The following MIPEP variants were observed in gnomAD, a reference collection of about 807,000 sequenced individuals.
MIPEP encodes mitochondrial intermediate peptidase.
Under a neutral mutation model 90.3 loss-of-function variants are expected in MIPEP, and 79 were observed. The ratio of observed to expected loss-of-function variants is 0.87; its 90% CI spans 0.73 to 1.05. The LOEUF is 1.05. MIPEP is among the 50% of genes least tolerant of loss of function. The probability of loss-of-function intolerance (pLI) is 0.00; values close to 1 mark genes in which losing one functional copy is unlikely to be tolerated. For missense variants in MIPEP, 940 were observed against 905.6 expected (o/e 1.04, Z -0.49); for synonymous variants, 334 against 315.8 (o/e 1.06, Z -0.61).
chr13:23,773,498 G>C (rs950314653), intron 16 of MIPEP, among the ~76,000 whole-genome samples: 2 of 152,096 alleles, frequency 1.3e-5, no homozygotes, highest in Non-Finnish European at 2.9e-5. Context: ...GGAACTGCTG[G>C]GCCATCTGGT....
rs1871697512 is a variant in MIPEP at position 23,889,307 on chromosome 13, C to T, written c.14G>A (p.Gly5Glu). Residue 5 changes from glycine (G) to glutamate (E), a missense_variant, in exon 1 of 19, where the codon GGA becomes GAA. Coordinates refer to ENST00000382172, the MANE Select transcript of MIPEP (RefSeq NM_005932.4). MLCV[G>E]RLGGLGARAA... ...TCTGGCTCCCAAGCCGCCCAGCCTT[C>T]CGACGCACAGCATTCTAGCACCAGA... is the stretch of plus-strand genomic sequence containing the variant. The T allele has an allele frequency of 1.5e-6, 2 of 1,349,640 alleles. No homozygotes were observed. Among genetic ancestry groups the T allele is most frequent in the Non-Finnish European group, 1.9e-6 (2 of 1,048,748 alleles). 83.6% of individuals were successfully genotyped at this position (1,349,640 alleles called of 1,614,324 possible). A position where few individuals can be genotyped will look rare whatever the true frequency, so the allele number is the denominator to read the frequency against.
intron 16 of MIPEP, among the ~76,000 whole-genome samples, chr13:23,803,200 TA>T (rs1337138790): frequency 2.0e-5 from 3 of 151,874 alleles, no homozygotes; most frequent in Non-Finnish European, 4.4e-5. Context: ...CCGTCTCTAC[TA>T]AAAAAACAAA....
intron 15 of MIPEP, among the ~76,000 whole-genome samples, chr13:23,808,146 T>C (rs916395786): frequency 6.6e-6 from 1 of 151,866 alleles, no homozygotes; most frequent in Admixed American, 6.6e-5. Context: ...TCGCCCAGGC[T>C]GGAGTGCAGT....
At chr13:23,783,944 A>G (rs1247527259) in intron 16 of MIPEP, among the ~76,000 whole-genome samples, 1 of 152,196 alleles carries the variant, frequency 6.6e-6, no homozygotes, top group Admixed American at 6.5e-5. Flanking sequence ...GCTCGAGGAA[A>G]TAAAAGAGGA....
chr13:23,804,013 TC>T (rs780582818), intron 16 of MIPEP, among the ~76,000 whole-genome samples: 9 of 152,330 alleles, frequency 5.9e-5, no homozygotes, highest in Non-Finnish European at 1.2e-4. Flanking sequence ...GATACATCTT[TC>T]TATTTTCTCA....
At chr13:23,831,528 C>A (rs190838369) in intron 14 of MIPEP, among the ~76,000 whole-genome samples, 1 of 152,098 alleles carries the variant, frequency 6.6e-6, no homozygotes, top group African/African-American at 2.4e-5. Context: ...GCAACACATC[C>A]GGCAGCTCCT....
chr13:23,843,804 C>T (rs1042610138), intron 10 of MIPEP, among the ~76,000 whole-genome samples: 6 of 152,152 alleles, frequency 3.9e-5, no homozygotes, highest in African/African-American at 7.2e-5. Context: ...GAGATGCAAA[C>T]GTCTCAGGAC....
chr13:23,768,795 A>C (rs7327620), intron 16 of MIPEP, among the ~76,000 whole-genome samples: 130,513 of 152,134 alleles, frequency 0.86, 59,562 homozygotes, highest in Non-Finnish European at 1. Flanking sequence ...GTTAAGGACA[A>C]ACAAAATATT....
rs554136039 is a variant in MIPEP, at chr13:23,775,036, T to C, written c.1849-14819A>G. 5.9e-5 allele frequency among the ~76,000 whole-genome samples: 9 copies of C among 152,060 alleles called. No individual in the cohort carries two copies. The East Asian group carries it at 1.5e-3, about 26-fold the overall frequency. ...CTGGTCTTGAACTCCTGGCCTCAAA[T>C]GATCCACCTGCCTTGGTCTCCCAAA... On this transcript the variant is annotated intron_variant, in intron 16 of 18. Transcript: ENST00000382172.
chr13:23,868,052 C>G (rs1486652346), intron 7 of MIPEP, among the ~76,000 whole-genome samples: 1 of 151,910 alleles, frequency 6.6e-6, no homozygotes, highest in East Asian at 1.9e-4. Flanking sequence ...AAAACATACA[C>G]TAAAAACACA....
chr13:23,847,463 C>CAAAAAAA (rs1566015969), intron 10 of MIPEP, among the ~76,000 whole-genome samples: 2 of 13,280 alleles, frequency 1.5e-4, no homozygotes, highest in African/African-American at 2.5e-4. Flanking sequence ...CAAATCCAAG[C>CAAAAAAA]TAAAAAAAAA....
chr13:23,851,139 T>C (rs117404288), intron 10 of MIPEP, among the ~76,000 whole-genome samples: 2,293 of 152,320 alleles, frequency 0.015, 30 homozygotes, highest in Non-Finnish European at 0.024. Context: ...CAGACACGAC[T>C]GGCCCAGAAC....
At chr13:23,779,027 TGTTA>T (rs1220327001) in intron 16 of MIPEP, among the ~76,000 whole-genome samples, 2 of 152,202 alleles carry the variant, frequency 1.3e-5, no homozygotes, top group Non-Finnish European at 2.9e-5. Flanking sequence ...AATCCTTTCT[TGTTA>T]ATTTGAATAT....
chr13:23,876,252 T>G (rs1400527652), intron 4 of MIPEP, among the ~76,000 whole-genome samples: 1 of 152,200 alleles, frequency 6.6e-6, no homozygotes, highest in Non-Finnish European at 1.5e-5. Flanking sequence ...TGACAAAAAG[T>G]TTTGCTTCAT....
At chr13:23,794,219 G>A (rs1444071247) in intron 16 of MIPEP, among the ~76,000 whole-genome samples, 1 of 152,136 alleles carries the variant, frequency 6.6e-6, no homozygotes, top group South Asian at 2.1e-4. Flanking sequence ...TCAAATCAGT[G>A]TGATATAGTA....
chr13:23,832,849 G>A (rs2148240), intron 14 of MIPEP, among the ~76,000 whole-genome samples: 148,945 of 152,338 alleles, frequency 0.98, 72,904 homozygotes, highest in East Asian at 1. Context: ...CTTTGGCTTT[G>A]ATGTTGTAGC....
At chr13:23,805,928 A>C (rs763740627) in intron 16 of MIPEP, 22 bp downstream of exon 16, 1 of 1,612,638 alleles carries the variant, frequency 6.2e-7, no homozygotes, top group Non-Finnish European at 8.5e-7. Context: ...TACACAAAAC[A>C]GAAGCCAAAT....
At chr13:23,869,214 T>C (rs1466826790) in intron 7 of MIPEP, 78 bp downstream of exon 7, 5 of 1,293,560 alleles carry the variant, frequency 3.9e-6, no homozygotes, top group Non-Finnish European at 5.3e-6. Context: ...AGAACACTAA[T>C]TTACAGCTAT....
chr13:23,860,485 G>A (rs7328209), intron 9 of MIPEP, among the ~76,000 whole-genome samples: 143,103 of 152,312 alleles, frequency 0.94, 67,255 homozygotes, highest in East Asian at 1. Context: ...ACACAGCCTC[G>A]GCTTGGAGGG....
Sources: allele counts gnomAD v4.1 joint callset (sites outside exome capture counted in the v4.1 genomes callset), GRCh38; gene constraint gnomAD v4.1.1; transcripts MANE v1.5; gene names NCBI Gene and HGNC (gene_info 2026-07-23, HGNC 2026-07-21).